Variants in FOXP2 observed in about 807,000 individuals in gnomAD.
FOXP2 encodes the protein forkhead box protein P2.
In FOXP2, 12 loss-of-function variants were observed where a neutral mutation model predicts 115.8. That is an observed-to-expected ratio of 0.10 (90% CI 0.07 to 0.17). The LOEUF (loss-of-function observed/expected upper bound fraction) is 0.17, where lower values mean the gene tolerates loss of function less well. Ranked by LOEUF, FOXP2 falls within the 10% of genes least tolerant of loss-of-function variation. The pLI is 1.00. For missense variants in FOXP2, 629 were observed against 843.5 expected (o/e 0.75, Z 3.15); for synonymous variants, 328 against 297.7 (o/e 1.10, Z -1.05).
At chr7:114,488,982 A>C (rs1796915236) in intron 2 of FOXP2, among the ~76,000 whole-genome samples, 1 of 152,096 alleles carries the variant, frequency 6.6e-6, no homozygotes, top group Admixed American at 6.6e-5. Context: ...AATAAAACCC[A>C]CTGTGATCTC....
chr7:114,139,380 C>T (rs1466731320), intron 1 of FOXP2, among the ~76,000 whole-genome samples: 4 of 151,946 alleles, frequency 2.6e-5, no homozygotes, highest in Admixed American at 2.0e-4. Flanking sequence ...TCAACTTCTG[C>T]CCAGATCTAT....
intron 1 of FOXP2, among the ~76,000 whole-genome samples, chr7:114,230,804 C>G (rs1429980501): frequency 6.6e-6 from 1 of 151,854 alleles, no homozygotes; most frequent in Non-Finnish European, 1.5e-5. Context: ...TCCTCAACAT[C>G]AGGAACAAGA....
At chr7:114,211,236 T>C (rs566084561) in intron 1 of FOXP2, among the ~76,000 whole-genome samples, 4 of 152,152 alleles carry the variant, frequency 2.6e-5, no homozygotes, top group African/African-American at 4.8e-5. Context: ...TTACCAGGGA[T>C]CCCGGGGCCA....
intron 1 of FOXP2, among the ~76,000 whole-genome samples, chr7:114,415,931 T>G (rs1793320856): frequency 6.6e-6 from 1 of 151,988 alleles, no homozygotes; most frequent in Non-Finnish European, 1.5e-5. Context: ...AAAAATTGGT[T>G]GGTGGGTCTT....
At chr7:114,557,287 G>T (rs1326934731) in intron 3 of FOXP2, among the ~76,000 whole-genome samples, 1 of 152,172 alleles carries the variant, frequency 6.6e-6, no homozygotes, top group Non-Finnish European at 1.5e-5. Context: ...CATTTCAGTA[G>T]ATTCTGTACC....
intron 7 of FOXP2, among the ~76,000 whole-genome samples, 187 bp downstream of exon 7, chr7:114,642,810 A>ATTTTTTTT (rs1277733394): frequency 4.9e-4 from 37 of 75,748 alleles, no homozygotes; most frequent in South Asian, 2.0e-3. Context: ...ATATATATAT[A>ATTTTTTTT]TATTTTTTTT....
At chr7:114,548,428 C>G (rs960326761) in intron 3 of FOXP2, among the ~76,000 whole-genome samples, 4 of 152,174 alleles carry the variant, frequency 2.6e-5, no homozygotes, top group African/African-American at 9.7e-5. Context: ...GGGCCAACAT[C>G]TAGCAACTTC....
chr7:114,586,578 A>G (rs1302409632), intron 3 of FOXP2, among the ~76,000 whole-genome samples: 1 of 152,076 alleles, frequency 6.6e-6, no homozygotes, highest in Non-Finnish European at 1.5e-5. Context: ...TTGTTGCTGA[A>G]CTATTTGCTT....
At chr7:114,560,107 A>G (rs1039849916) in intron 3 of FOXP2, among the ~76,000 whole-genome samples, 7 of 152,166 alleles carry the variant, frequency 4.6e-5, no homozygotes, top group African/African-American at 1.7e-4. Flanking sequence ...AATCCATTAA[A>G]GAAGAAAAGT....
chr7:114,611,818 C>G (rs1020291453), intron 3 of FOXP2, among the ~76,000 whole-genome samples: 12 of 152,012 alleles, frequency 7.9e-5, no homozygotes, highest in African/African-American at 2.9e-4. Context: ...ATAACAATGG[C>G]TACCATATGG....
rs143961900 is a variant in FOXP2, at chr7:114,587,137, G to A, written c.259-41403G>A. Among the ~76,000 whole-genome samples, 531 of 151,574 alleles carry A rather than the reference G, an allele frequency of 3.5e-3. 3 individuals carry two copies. The highest frequency in any genetic ancestry group is 0.012 in the African/African-American group (511 of 41,240). ...AGGTTTGTTACACAGGTGTACATGT[G>A]CCATGGGGGTTTGCTGCACCTATTA... On this transcript the variant is annotated intron_variant, in intron 3 of 16. Transcript: ENST00000350908.
At chr7:114,439,832 C>A (rs1794523236) in intron 2 of FOXP2, among the ~76,000 whole-genome samples, 3 of 152,106 alleles carry the variant, frequency 2.0e-5, no homozygotes, top group South Asian at 4.1e-4. Flanking sequence ...CCTTGACCTC[C>A]ACAAGTGCTG....
intron 1 of FOXP2, among the ~76,000 whole-genome samples, chr7:114,237,790 A>G (rs975257743): frequency 2.0e-5 from 3 of 152,092 alleles, no homozygotes; most frequent in East Asian, 1.9e-4. Flanking sequence ...CCTGGGCAAC[A>G]TGGTGAAACA....
chr7:114,194,502 C>G (rs1291805511), intron 1 of FOXP2, among the ~76,000 whole-genome samples: 1 of 151,572 alleles, frequency 6.6e-6, no homozygotes, highest in Non-Finnish European at 1.5e-5. Flanking sequence ...TATATAAGAC[C>G]TACCATGCTT....
At chr7:114,275,847 T>G (rs966332712) in intron 1 of FOXP2, among the ~76,000 whole-genome samples, 1 of 152,186 alleles carries the variant, frequency 6.6e-6, no homozygotes, top group Non-Finnish European at 1.5e-5. Flanking sequence ...AAGCATTCTA[T>G]AGTTCTAGGA....
intron 3 of FOXP2, among the ~76,000 whole-genome samples, chr7:114,616,175 T>G (rs1463021015): frequency 6.6e-6 from 1 of 152,048 alleles, no homozygotes; most frequent in Non-Finnish European, 1.5e-5. Context: ...GTTTTTGTTT[T>G]TTTTTGAGAT....
chr7:114,414,994 A>T lies in FOXP2; in HGVS notation c.-377A>T. 1 of 438,450 alleles carries T rather than the reference A, an allele frequency of 2.3e-6. No homozygotes were observed. Among genetic ancestry groups the T allele is most frequent in the South Asian group, 1.6e-5 (1 of 61,526 alleles). 27.2% of individuals were successfully genotyped at this position (438,450 alleles called of 1,614,324 possible). A position where few individuals can be genotyped will look rare whatever the true frequency, so the allele number is the denominator to read the frequency against. On this transcript the variant is annotated 5_prime_UTR_variant, in exon 1 of 17. Coordinates refer to ENST00000350908, the MANE Select transcript of FOXP2 (RefSeq NM_014491.4). The stretch of plus-strand genomic sequence containing the variant: ...AAGATTATGGTAAGCATGCTGGCTC[A>T]GTCTTGAACCTTTGTCACCCCTCAC...
chr7:114,504,885 C>G (rs1797738543), intron 2 of FOXP2, among the ~76,000 whole-genome samples: 1 of 151,550 alleles, frequency 6.6e-6, no homozygotes, highest in Non-Finnish European at 1.5e-5. Context: ...TAAAAATGCT[C>G]AGGATCTCAC....
intron 1 of FOXP2, among the ~76,000 whole-genome samples, chr7:114,150,882 C>T (rs1280000243): frequency 6.6e-6 from 1 of 151,940 alleles, no homozygotes; most frequent in Non-Finnish European, 1.5e-5. Flanking sequence ...CTGTGGCATT[C>T]CCTCAAGTAC....
Sources: gnomAD v4.1 joint callset for allele counts (sites outside exome capture counted in the v4.1 genomes callset) on GRCh38, gnomAD v4.1.1 for gene constraint, MANE v1.5 for transcripts, NCBI Gene and HGNC (gene_info 2026-07-23, HGNC 2026-07-21) for gene names.